SMARCD1: variants seen among roughly 807,000 people sequenced by gnomAD.
SMARCD1 encodes the protein SWI/SNF related BAF chromatin remodeling complex subunit D1, also known as SWI/SNF-related matrix-associated actin-dependent regulator of chromatin subfamily D member 1.
Under a neutral mutation model 70.8 loss-of-function variants are expected in SMARCD1, and 16 were observed. The ratio of observed to expected loss-of-function variants is 0.23; its 90% confidence interval spans 0.15 to 0.34. SMARCD1 has a LOEUF of 0.34. Among genes scored for constraint, SMARCD1 ranks in the 10% least tolerant of loss-of-function variants. The pLI, the probability that SMARCD1 is intolerant of heterozygous loss-of-function variation, is 1.00. For missense variants in SMARCD1, 409 were observed against 655.5 expected (o/e 0.62, Z 4.11); for synonymous variants, 249 against 246.0 (o/e 1.01, Z -0.11).
At chr12:50,096,446 C>T (rs113783111) in intron 10 of SMARCD1, among the ~76,000 whole-genome samples, 54 of 152,156 alleles carry the variant, frequency 3.5e-4, no homozygotes, top group African/African-American at 1.1e-3. Context: ...AAGAAATTGC[C>T]GGGAGGAGTA....
intron 11 of SMARCD1, chr12:50,098,512 G>C: frequency 1.7e-6 from 1 of 586,314 alleles, no homozygotes; most frequent in Non-Finnish European, 3.0e-6. Flanking sequence ...GGTCATATTA[G>C]GGGGTACTCT....
chr12:50,090,055 G>A (rs1950827387), intron 7 of SMARCD1, 70 bp downstream of exon 7: 2 of 1,416,466 alleles, frequency 1.4e-6, no homozygotes, highest in Non-Finnish European at 2.0e-6. Flanking sequence ...ACTTTAAAGA[G>A]TTTATGTCTA....
rs1319486448 is a variant in SMARCD1 at position 50,090,265 on chromosome 12, C to T, written c.898C>T (p.Arg300Cys). 5 of 1,613,540 alleles carry T rather than the reference C, an allele frequency of 3.1e-6. No individual in the cohort carries two copies. The highest frequency in any genetic ancestry group is 1.1e-5 in the South Asian group (1 of 90,956). Residue 300 changes from arginine to cysteine, a missense_variant, in exon 8 of 13, where the codon CGC becomes TGC. By Grantham distance (180) the Arg-to-Cys change is radical. Coordinates refer to ENST00000394963, the MANE Select transcript of SMARCD1 (RefSeq NM_003076.5). ...GCCTCCCCAGTTTAAATTAGACCCC[C>T]GCCTAGCTCGACTCCTGGGCATCCA... is the stretch of plus-strand genomic sequence containing the variant. Reference protein sequence around the residue: ...YQPPQFKLDPRLARLLGIHTQ... With the variant: ...YQPPQFKLDPCLARLLGIHTQ...
Position 50,087,582 on chromosome 12 carries a change from G to A in SMARCD1, c.654+97G>A, listed in dbSNP as rs1036422247. ...GCAGGAAGCCTAACTGGTGCTCACAGCTCCTTTTGGGAGCAGTAAGGAGAG... is the reference window on the plus strand; with the variant it reads ...GCAGGAAGCCTAACTGGTGCTCACAACTCCTTTTGGGAGCAGTAAGGAGAG... On this transcript the variant is annotated intron_variant, in intron 5 of 12. Coordinates refer to ENST00000394963, the MANE Select transcript of SMARCD1 (RefSeq NM_003076.5). The A allele has an allele frequency of 2.8e-6, 4 of 1,420,276 alleles. No homozygotes were observed. In the Admixed American group the frequency reaches 8.0e-5, roughly 28 times the overall value. 88.0% of individuals were successfully genotyped at this position (1,420,276 alleles called of 1,614,324 possible). A position where few individuals can be genotyped will look rare whatever the true frequency, so the allele number is the denominator to read the frequency against.
chr12:50,097,003 T>G, intron 11 of SMARCD1, 31 bp downstream of exon 11: 2 of 1,586,792 alleles, frequency 1.3e-6, no homozygotes, highest in South Asian at 2.2e-5. Flanking sequence ...CTGAAGGGAC[T>G]TAGGTCAGTG....
intron 10 of SMARCD1, among the ~76,000 whole-genome samples, chr12:50,095,755 G>A (rs1950888232): frequency 1.3e-5 from 2 of 152,228 alleles, no homozygotes; most frequent in South Asian, 4.1e-4. Context: ...AGAGAAGAGA[G>A]AGAGAGCCTG....
intron 1 of SMARCD1, 23 bp downstream of exon 1, chr12:50,085,569 C>T (rs761283519): frequency 1.8e-6 from 2 of 1,116,438 alleles, no homozygotes; most frequent in African/African-American, 1.7e-5. Context: ...GGAGGAGGGG[C>T]GCGCGGGCCG....
intron 9 of SMARCD1, among the ~76,000 whole-genome samples, chr12:50,092,730 G>A (rs975250352): frequency 6.6e-6 from 1 of 151,966 alleles, no homozygotes; most frequent in African/African-American, 2.4e-5. Flanking sequence ...TATTTTTGGG[G>A]TCAATTTTAG....
At chr12:50,098,144 A>G (rs771070660) in intron 11 of SMARCD1, among the ~76,000 whole-genome samples, 14 of 152,166 alleles carry the variant, frequency 9.2e-5, no homozygotes, top group Non-Finnish European at 1.5e-4. Context: ...CAGAGGAGCA[A>G]GGAAAAAGGG....
intron 6 of SMARCD1, 151 bp from the exon 7 acceptor site, chr12:50,089,733 C>A: frequency 5.1e-6 from 3 of 587,028 alleles, no homozygotes; most frequent in South Asian, 4.2e-5. Flanking sequence ...AATCCCAAAG[C>A]CATATGCAGT....
At chr12:50,095,622 C>T (rs759702046) in intron 10 of SMARCD1, among the ~76,000 whole-genome samples, 12 of 152,116 alleles carry the variant, frequency 7.9e-5, no homozygotes, top group Non-Finnish European at 1.5e-4. Context: ...CCACCGCGCC[C>T]GGCCCCAACT....
intron 4 of SMARCD1, 175 bp downstream of exon 4, chr12:50,087,053 G>C: frequency 1.4e-6 from 1 of 711,394 alleles, no homozygotes; most frequent in Non-Finnish European, 2.3e-6. Context: ...GAATGGCAAA[G>C]GGGGAGGGGC....
At position 50,086,667 on chromosome 12, in the gene SMARCD1, A is replaced by G. The variant is rs1431084746; in HGVS notation, c.408+4A>G. ...TGACAAAATTCTACCTCAAAGGGTGAGTCCAGGCTATATGTCTTCTGGAAA... is the reference window on the plus strand; with the variant it reads ...TGACAAAATTCTACCTCAAAGGGTGGGTCCAGGCTATATGTCTTCTGGAAA... On this transcript the variant is annotated splice_donor_region_variant and intron_variant, in intron 3 of 12. Coordinates refer to ENST00000394963, the MANE Select transcript of SMARCD1 (RefSeq NM_003076.5). The G allele has an allele frequency of 1.9e-6, 3 of 1,613,956 alleles. No individual in the cohort carries two copies. The South Asian group carries it at 3.3e-5, about 18-fold the overall frequency.
intron 10 of SMARCD1, 78 bp from the exon 11 acceptor site, chr12:50,096,772 A>G (rs1592294433): frequency 1.2e-5 from 16 of 1,374,230 alleles, no homozygotes; most frequent in Admixed American, 1.9e-5. Context: ...TGGCATGTGG[A>G]GTTGTCAGGC....
intron 1 of SMARCD1, 25 bp from the exon 2 acceptor site, chr12:50,086,136 T>A (rs759038835): frequency 1.1e-5 from 16 of 1,462,356 alleles, no homozygotes; most frequent in Non-Finnish European, 1.3e-5. Flanking sequence ...AACCATGACA[T>A]CTCTGGGTCC....
At chr12:50,091,626 G>T (rs1342745479) in intron 9 of SMARCD1, among the ~76,000 whole-genome samples, 1 of 151,506 alleles carries the variant, frequency 6.6e-6, no homozygotes, top group African/African-American at 2.4e-5. Context: ...GCCCAGGCTG[G>T]TGTGCAATGG....
At position 50,098,440 on chromosome 12, in the gene SMARCD1, TCTTC is replaced by T. The variant is rs1273250042; in HGVS notation, c.1393-269_1393-266del. ...GTGGTCTCTGTGTGACTTCACGTTG[TCTTC>T]CTTCTGTATGTGTCTGTCTCCATGT... is the stretch of plus-strand genomic sequence containing the variant. On this transcript the variant is annotated intron_variant, in intron 11 of 12. Transcript: ENST00000394963. The T allele has an allele frequency of 2.4e-5, 11 of 458,146 alleles. No individual in the cohort carries two copies. In the East Asian group the frequency reaches 3.7e-4, roughly 16 times the overall value. 28.4% of individuals were successfully genotyped at this position (458,146 alleles called of 1,614,324 possible).
At position 50,098,827 on chromosome 12, in the gene SMARCD1, G is replaced by A. The variant is rs777964700; in HGVS notation, c.1494+12G>A. Reference sequence around the variant, plus strand: ...ACTTCTACTCCAAGGTAAGTACATGGGGTGCACGGGGGAAATTGACAAAAG... The same window carrying A: ...ACTTCTACTCCAAGGTAAGTACATGAGGTGCACGGGGGAAATTGACAAAAG... On this transcript the variant is annotated intron_variant, in intron 12 of 12. Transcript: ENST00000394963. The A allele has an allele frequency of 6.2e-7, 1 of 1,611,290 alleles. No homozygotes were observed. The highest frequency in any genetic ancestry group is 8.5e-7 in the Non-Finnish European group (1 of 1,177,410).
chr12:50,092,235 CTTTTT>C (rs60619880), intron 9 of SMARCD1, among the ~76,000 whole-genome samples: 50 of 91,144 alleles, frequency 5.5e-4, no homozygotes, highest in Admixed American at 2.8e-3. Context: ...TTCTTTCTTT[CTTTTT>C]TTTTTTTTTT....
Sources: gnomAD v4.1 joint callset for allele counts (sites outside exome capture counted in the v4.1 genomes callset) on GRCh38, gnomAD v4.1.1 for gene constraint, MANE v1.5 for transcripts, NCBI Gene and HGNC (gene_info 2026-07-23, HGNC 2026-07-21) for gene names.